PAN3: variants seen among roughly 807,000 people sequenced by gnomAD.
The protein encoded by PAN3 is PAN2-PAN3 deadenylation complex subunit PAN3.
PAN3 carries 19 observed loss-of-function variants against 96.2 expected under a neutral mutation model. The observed-to-expected ratio is 0.20, with a 90% CI of 0.14 to 0.29. The LOEUF (loss-of-function observed/expected upper bound fraction) is 0.29, where lower values mean the gene tolerates loss of function less well. PAN3 is among the 10% of genes least tolerant of loss of function. The pLI is 1.00. For missense variants in PAN3, 882 were observed against 1,108.1 expected, an observed-to-expected ratio of 0.80 and a Z score of 2.90; for synonymous variants, 433 against 406.6, an observed-to-expected ratio of 1.06 and a Z score of -0.78.
intron 4 of PAN3, among the ~76,000 whole-genome samples, chr13:28,192,375 T>C (rs1012122431): frequency 7.2e-5 from 11 of 152,184 alleles, no homozygotes; most frequent in Non-Finnish European, 1.0e-4. Context: ...GCCAATACTT[T>C]TTAAAAATTG....
intron 6 of PAN3, among the ~76,000 whole-genome samples, chr13:28,224,556 A>G (rs564017465): frequency 1.3e-5 from 2 of 152,352 alleles, no homozygotes; most frequent in Admixed American, 6.5e-5. Flanking sequence ...GCATTTGTCA[A>G]TATTCATTCC....
At chr13:28,244,959 C>T (rs1316927643) in intron 6 of PAN3, among the ~76,000 whole-genome samples, 3 of 152,166 alleles carry the variant, frequency 2.0e-5, no homozygotes, top group Non-Finnish European at 4.4e-5. Flanking sequence ...AGCAATTCTC[C>T]TGCCTCAGCC....
intron 2 of PAN3, 134 bp downstream of exon 2, chr13:28,174,527 A>G: frequency 2.2e-5 from 22 of 1,014,334 alleles, no homozygotes; most frequent in Non-Finnish European, 3.1e-5. Flanking sequence ...GGTGAGATGT[A>G]GGTAAACTAT....
At chr13:28,241,578 T>C (rs1202309489) in intron 6 of PAN3, among the ~76,000 whole-genome samples, 2 of 152,134 alleles carry the variant, frequency 1.3e-5, no homozygotes, top group African/African-American at 4.8e-5. Context: ...AACTCAACTT[T>C]GGATAGTTTA....
intron 6 of PAN3, among the ~76,000 whole-genome samples, chr13:28,221,299 T>C (rs961724996): frequency 6.6e-6 from 1 of 151,816 alleles, no homozygotes; most frequent in Admixed American, 6.6e-5. Flanking sequence ...ACACACAAAT[T>C]AGGCTTCTAG....
intron 6 of PAN3, among the ~76,000 whole-genome samples, chr13:28,238,631 T>C (rs1883318947): frequency 1.3e-5 from 2 of 152,188 alleles, no homozygotes; most frequent in African/African-American, 4.8e-5. Flanking sequence ...ATTGATACTT[T>C]TTTTAATGAA....
intron 8 of PAN3, among the ~76,000 whole-genome samples, 181 bp from the exon 9 acceptor site, chr13:28,261,220 C>T (rs1268477673): frequency 2.6e-5 from 4 of 152,128 alleles, no homozygotes; most frequent in Non-Finnish European, 4.4e-5. Flanking sequence ...ATGTCTAAGT[C>T]TGTCTGGGCC....
chr13:28,153,845 G>C (rs376661459), intron 1 of PAN3, among the ~76,000 whole-genome samples: 3 of 152,222 alleles, frequency 2.0e-5, no homozygotes, highest in African/African-American at 7.2e-5. Flanking sequence ...CTCATCCATG[G>C]GTTTGGATGA....
intron 14 of PAN3, among the ~76,000 whole-genome samples, chr13:28,274,327 T>C (rs1395532420): frequency 6.6e-6 from 1 of 152,180 alleles, no homozygotes; most frequent in Non-Finnish European, 1.5e-5. Context: ...CTTTATGACC[T>C]TTATGCTTCC....
chr13:28,156,910 G>T (rs548194850), intron 1 of PAN3, among the ~76,000 whole-genome samples: 2 of 148,340 alleles, frequency 1.3e-5, no homozygotes, highest in South Asian at 4.3e-4. Context: ...TGGAAGGATG[G>T]CTTGGGCCTG....
chr13:28,186,896 C>T (rs978110730), intron 4 of PAN3, among the ~76,000 whole-genome samples: 4 of 152,060 alleles, frequency 2.6e-5, no homozygotes, highest in African/African-American at 9.7e-5. Flanking sequence ...GATAGATTAT[C>T]ATGGAAATAA....
chr13:28,191,992 C>T (rs1395358361), intron 4 of PAN3, among the ~76,000 whole-genome samples: 1 of 151,984 alleles, frequency 6.6e-6, no homozygotes, highest in Non-Finnish European at 1.5e-5. Flanking sequence ...TCATCTCTGC[C>T]TCCCAAAGTG....
rs35652829 is a variant in PAN3 at position 28,165,283 on chromosome 13, C to CTTT, written c.431-8974_431-8972dup. 7.0e-3 allele frequency among the ~76,000 whole-genome samples: 906 copies of CTTT among 129,394 alleles called. 21 individuals are homozygous for CTTT. Among genetic ancestry groups the CTTT allele is most frequent in the African/African-American group, 0.021 (718 of 34,080 alleles). 84.9% of individuals were successfully genotyped at this position (129,394 alleles called of 152,430 possible). A position where few individuals can be genotyped will look rare whatever the true frequency, so the allele number is the denominator to read the frequency against. ...GTCTCTTGATTTATACTTATATATC[C>CTTT]TTTTTTTTTTTTTTTTTGTAGAGAT... On this transcript the variant is annotated intron_variant, in intron 1 of 18. Transcript: ENST00000380958.
intron 5 of PAN3, among the ~76,000 whole-genome samples, chr13:28,204,121 T>C (rs567847806): frequency 6.6e-6 from 1 of 152,134 alleles, no homozygotes; most frequent in Non-Finnish European, 1.5e-5. Context: ...CTTCTCTGTT[T>C]TATATTTTTT....
intron 1 of PAN3, among the ~76,000 whole-genome samples, chr13:28,151,158 G>C (rs571127257): frequency 6.6e-6 from 1 of 152,266 alleles, no homozygotes; most frequent in South Asian, 2.1e-4. Flanking sequence ...GTGAGGAACA[G>C]GGAAGAATTA....
intron 1 of PAN3, among the ~76,000 whole-genome samples, 169 bp from the exon 2 acceptor site, chr13:28,174,101 CAT>C (rs1471317449): frequency 1.3e-5 from 2 of 152,180 alleles, no homozygotes; most frequent in Non-Finnish European, 2.9e-5. Context: ...CACTGTTTAA[CAT>C]ATTTCTGGAG....
chr13:28,280,623 G>C, intron 16 of PAN3, 82 bp downstream of exon 16: 7 of 1,245,200 alleles, frequency 5.6e-6, no homozygotes, highest in Non-Finnish European at 7.5e-6. Flanking sequence ...GTGCAGTGGT[G>C]CTATCTCGGC....
rs1793216373 is a variant in PAN3, at chr13:28,293,901, A to G, written c.*1379A>G. The G allele has an allele frequency of 6.6e-6, 1 of 152,666 alleles. No individual in the cohort carries two copies. The highest frequency in any genetic ancestry group is 1.5e-5 in the Non-Finnish European group (1 of 68,028). 9.5% of individuals were successfully genotyped at this position (152,666 alleles called of 1,614,324 possible). On this transcript the variant is annotated 3_prime_UTR_variant, in exon 19 of 19. Coordinates refer to ENST00000380958, the MANE Select transcript of PAN3 (RefSeq NM_175854.8). ...ACTAGCACTGGGTGCTCACCATGCA[A>G]CTGAAGAAAATGTGGAAACTCAAAA...
intron 5 of PAN3, among the ~76,000 whole-genome samples, chr13:28,207,053 C>T (rs962490786): frequency 2.0e-5 from 3 of 152,016 alleles, no homozygotes; most frequent in South Asian, 2.1e-4. Flanking sequence ...AGAGGCAGGG[C>T]GGGTTCCTGT....
Sources: allele counts gnomAD v4.1 joint callset (sites outside exome capture counted in the v4.1 genomes callset), GRCh38; gene constraint gnomAD v4.1.1; transcripts MANE v1.5; gene names NCBI Gene and HGNC (gene_info 2026-07-23, HGNC 2026-07-21).